Variants in UBASH3B observed in about 807,000 individuals in gnomAD.
The protein encoded by UBASH3B is ubiquitin associated and SH3 domain containing B, also known as ubiquitin-associated and SH3 domain-containing protein B.
UBASH3B carries 37 observed loss-of-function variants against 83.4 expected under a neutral mutation model. The ratio of observed to expected loss-of-function variants is 0.44; its 90% CI spans 0.34 to 0.58. The LOEUF (loss-of-function observed/expected upper bound fraction) is 0.58, where lower values mean the gene tolerates loss of function less well. Ranked by LOEUF, UBASH3B falls within the 20% of genes least tolerant of loss-of-function variation. The probability of loss-of-function intolerance (pLI) is 0.01; values close to 1 mark genes in which losing one functional copy is unlikely to be tolerated. For missense variants in UBASH3B, 657 were observed against 827.2 expected (o/e 0.79, Z 2.52); for synonymous variants, 304 against 318.3 (o/e 0.96, Z 0.48).
At chr11:122,715,046 C>T (rs1432148753) in intron 1 of UBASH3B, among the ~76,000 whole-genome samples, 2 of 152,096 alleles carry the variant, frequency 1.3e-5, no homozygotes, top group African/African-American at 2.4e-5. Flanking sequence ...CCCGGGTTCA[C>T]GCCATTCTCC....
At chr11:122,716,877 C>T (rs1374938375) in intron 1 of UBASH3B, among the ~76,000 whole-genome samples, 4 of 152,090 alleles carry the variant, frequency 2.6e-5, no homozygotes, top group Admixed American at 2.0e-4. Flanking sequence ...TCGGTAGAAG[C>T]TGTCGGTCAT....
chr11:122,710,112 T>C (rs1335556693), intron 1 of UBASH3B, among the ~76,000 whole-genome samples: 1 of 134,608 alleles, frequency 7.4e-6, no homozygotes, highest in Non-Finnish European at 1.5e-5. Flanking sequence ...GCCGAGGTCA[T>C]ACCACTGCAC....
In UBASH3B at chr11:122,788,863, C is replaced by A. The variant is rs372237852; in HGVS notation, c.772-237C>A. On this transcript the variant is annotated intron_variant, in intron 5 of 13. Transcript: ENST00000284273. ...AATCCTGATGGGAAATCTAGACATG[C>A]CTGAAGAAAAGTATGAAACCATTTC... 1.6e-4 allele frequency among the ~76,000 whole-genome samples: 25 copies of A among 152,258 alleles called. No homozygotes were observed. The East Asian group carries it at 1.7e-3, about 11-fold the overall frequency.
intron 1 of UBASH3B, among the ~76,000 whole-genome samples, chr11:122,668,917 C>T (rs746915518): frequency 1.3e-5 from 2 of 152,106 alleles, no homozygotes; most frequent in African/African-American, 2.4e-5. Flanking sequence ...ATTCCGTCAG[C>T]GTGAGGAACA....
At chr11:122,771,962 C>T (rs1459945355) in intron 1 of UBASH3B, among the ~76,000 whole-genome samples, 1 of 152,196 alleles carries the variant, frequency 6.6e-6, no homozygotes, top group African/African-American at 2.4e-5. Flanking sequence ...TTTATTACAA[C>T]AGTTGCTAAA....
intron 9 of UBASH3B, among the ~76,000 whole-genome samples, chr11:122,798,451 G>A (rs763699245): frequency 6.6e-6 from 1 of 152,058 alleles, no homozygotes; most frequent in Non-Finnish European, 1.5e-5. Flanking sequence ...GGTGGCTCAC[G>A]CCTGTAATCC....
intron 1 of UBASH3B, among the ~76,000 whole-genome samples, chr11:122,768,466 A>G (rs1259976009): frequency 7.8e-6 from 1 of 128,984 alleles, no homozygotes; most frequent in African/African-American, 3.4e-5. Flanking sequence ...AGAGATATAT[A>G]TGTATGTGTG....
intron 1 of UBASH3B, among the ~76,000 whole-genome samples, chr11:122,716,973 T>C (rs1201583924): frequency 6.6e-6 from 1 of 152,148 alleles, no homozygotes; most frequent in Non-Finnish European, 1.5e-5. Flanking sequence ...CCTGTCTAAG[T>C]AGTCACACAG....
intron 6 of UBASH3B, among the ~76,000 whole-genome samples, chr11:122,790,745 A>C (rs1861039152): frequency 6.6e-6 from 1 of 152,028 alleles, no homozygotes; most frequent in South Asian, 2.1e-4. Context: ...TCAGGAGTTC[A>C]AGACCTGCCA....
chr11:122,754,122 T>A (rs1216861155), intron 1 of UBASH3B, among the ~76,000 whole-genome samples: 1 of 152,198 alleles, frequency 6.6e-6, no homozygotes, highest in African/African-American at 2.4e-5. Context: ...GCTGCACGTC[T>A]AATGGAATGG....
intron 1 of UBASH3B, among the ~76,000 whole-genome samples, chr11:122,775,084 C>A (rs979695391): frequency 6.6e-6 from 1 of 152,222 alleles, no homozygotes; most frequent in Admixed American, 6.5e-5. Flanking sequence ...TCCTTTAGGG[C>A]AGGGATCACA....
intron 1 of UBASH3B, among the ~76,000 whole-genome samples, chr11:122,732,745 G>A (rs1191611484): frequency 1.3e-5 from 2 of 152,290 alleles, no homozygotes; most frequent in East Asian, 1.9e-4. Context: ...TAGCCTTAAA[G>A]TAAGGACACT....
At chr11:122,662,571 A>G (rs1863460200) in intron 1 of UBASH3B, among the ~76,000 whole-genome samples, 1 of 151,834 alleles carries the variant, frequency 6.6e-6, no homozygotes, top group South Asian at 2.1e-4. Flanking sequence ...AGCTGGGATT[A>G]CAGGCATGCA....
intron 1 of UBASH3B, among the ~76,000 whole-genome samples, chr11:122,675,476 G>A (rs1477833380): frequency 1.3e-5 from 2 of 152,186 alleles, no homozygotes; most frequent in Admixed American, 6.5e-5. Flanking sequence ...CACTGGATGA[G>A]ATCAGAGTCT....
At chr11:122,704,814 T>A (rs1174191395) in intron 1 of UBASH3B, among the ~76,000 whole-genome samples, 2 of 149,108 alleles carry the variant, frequency 1.3e-5, no homozygotes, top group African/African-American at 5.0e-5. Flanking sequence ...CCGTCAACAA[T>A]TTTTTTTTTA....
intron 1 of UBASH3B, among the ~76,000 whole-genome samples, chr11:122,727,973 C>T (rs1054320183): frequency 6.6e-6 from 1 of 151,376 alleles, no homozygotes; most frequent in African/African-American, 2.4e-5. Context: ...CCTTCTCCTG[C>T]CCTGTAGTTT....
At chr11:122,748,422 C>T (rs953620592) in intron 1 of UBASH3B, among the ~76,000 whole-genome samples, 4 of 152,194 alleles carry the variant, frequency 2.6e-5, no homozygotes, top group Admixed American at 1.3e-4. Flanking sequence ...CCCCTATAGA[C>T]GGGCACGCGC....
chr11:122,699,515 TTCTC>T (rs372120321), intron 1 of UBASH3B, among the ~76,000 whole-genome samples: 2 of 139,088 alleles, frequency 1.4e-5, no homozygotes, highest in East Asian at 2.2e-4. Context: ...CTTTCTTTCT[TTCTC>T]TTTCTTTCTT....
At chr11:122,727,570 G>C (rs547050102) in intron 1 of UBASH3B, 1 of 152,146 alleles carries the variant, frequency 6.6e-6, no homozygotes, top group African/African-American at 2.4e-5. Context: ...CCCCGTGGAG[G>C]CCTCCGAGAT....
Sources: allele counts gnomAD v4.1 joint callset (sites outside exome capture counted in the v4.1 genomes callset), GRCh38; gene constraint gnomAD v4.1.1; transcripts MANE v1.5; gene names NCBI Gene and HGNC (gene_info 2026-07-23, HGNC 2026-07-21).